Variants in NEK10 observed in about 807,000 individuals in gnomAD.
NEK10 encodes NIMA related kinase 10.
In NEK10, 122 loss-of-function variants were observed where a neutral mutation model predicts 159.8. The observed-to-expected ratio is 0.76, with a 90% CI of 0.66 to 0.89. The LOEUF is 0.89. Ranked by LOEUF, NEK10 falls within the 40% of genes least tolerant of loss-of-function variation. The pLI, the probability that NEK10 is intolerant of heterozygous loss-of-function variation, is 0.00. For synonymous variants in NEK10, 466 were observed against 457.1 expected, an observed-to-expected ratio of 1.02 and a Z score of -0.25; for missense variants, 1,342 against 1,323.1, an observed-to-expected ratio of 1.01 and a Z score of -0.22.
chr3:27,264,819 G>A (rs530299345), intron 22 of NEK10, among the ~76,000 whole-genome samples: 24 of 151,942 alleles, frequency 1.6e-4, no homozygotes, highest in African/African-American at 2.2e-4. Context: ...ACTGGAACCC[G>A]GCGGGCAGAG....
intron 23 of NEK10, among the ~76,000 whole-genome samples, chr3:27,214,142 C>T (rs1951266743): frequency 6.6e-6 from 1 of 152,134 alleles, no homozygotes; most frequent in Non-Finnish European, 1.5e-5. Flanking sequence ...CTATGAATCC[C>T]ACCCACGCCA....
At chr3:27,353,800 G>A (rs1418442096) in intron 1 of NEK10, among the ~76,000 whole-genome samples, 6 of 151,996 alleles carry the variant, frequency 3.9e-5, no homozygotes, top group African/African-American at 1.4e-4. Flanking sequence ...ACAGGTATGC[G>A]TTTCTACCAC....
At chr3:27,235,483 T>C (rs1953808079) in intron 23 of NEK10, among the ~76,000 whole-genome samples, 1 of 151,960 alleles carries the variant, frequency 6.6e-6, no homozygotes, top group Non-Finnish European at 1.5e-5. Context: ...CAGAAGAAGG[T>C]ATACATTCAG....
intron 5 of NEK10, among the ~76,000 whole-genome samples, chr3:27,334,434 G>A (rs1167498027): frequency 6.6e-6 from 1 of 152,160 alleles, no homozygotes; most frequent in Non-Finnish European, 1.5e-5. Flanking sequence ...CCCAAGAATA[G>A]ACCCAACTGG....
intron 23 of NEK10, among the ~76,000 whole-genome samples, chr3:27,226,634 C>T (rs1443812388): frequency 6.6e-6 from 1 of 152,256 alleles, no homozygotes; most frequent in Middle Eastern, 3.4e-3. Context: ...GAGGCAAATT[C>T]GTCTCAGGCT....
chr3:27,291,596 A>C lies in NEK10; in HGVS notation c.1374-10T>G. The C allele has an allele frequency of 7.1e-7, 1 of 1,410,492 alleles. No homozygotes were observed. The highest frequency in any genetic ancestry group is 1.0e-6 in the Non-Finnish European group (1 of 994,956). The allele number at this position is 1,410,492 out of a possible 1,614,324, so 87.4% of individuals were successfully genotyped here. ...GTCTGTGGGGAAAAGTCTACAGAGA[A>C]TATTACACACACTTAAAGTAGAACT... On this transcript the variant is annotated splice_polypyrimidine_tract_variant and intron_variant, in intron 16 of 35. Coordinates refer to ENST00000691995, the MANE Select transcript of NEK10 (RefSeq NM_001394966.1).
At chr3:27,348,473 T>G (rs1233486537) in intron 3 of NEK10, among the ~76,000 whole-genome samples, 16 of 152,220 alleles carry the variant, frequency 1.1e-4, no homozygotes, top group Non-Finnish European at 5.9e-5. Flanking sequence ...TTGAAGCAAG[T>G]AGCACTTCAT....
intron 26 of NEK10, among the ~76,000 whole-genome samples, chr3:27,191,808 A>G (rs560141232): frequency 5.8e-4 from 88 of 152,344 alleles, no homozygotes; most frequent in Non-Finnish European, 1.1e-3. Flanking sequence ...GATTTTTGCA[A>G]AAATAAAATA....
intron 33 of NEK10, 85 bp downstream of exon 33, chr3:27,119,675 T>G: frequency 9.6e-7 from 1 of 1,040,168 alleles, no homozygotes; most frequent in Non-Finnish European, 1.5e-6. Context: ...AAAAAAAAAT[T>G]GGAGATAATC....
intron 22 of NEK10, among the ~76,000 whole-genome samples, chr3:27,277,006 T>C (rs532640773): frequency 5.3e-5 from 8 of 152,296 alleles, no homozygotes; most frequent in Admixed American, 4.6e-4. Flanking sequence ...CAACACAATA[T>C]AAGAAGGCTA....
intron 26 of NEK10, among the ~76,000 whole-genome samples, chr3:27,183,426 C>T (rs1948325767): frequency 6.7e-6 from 1 of 150,234 alleles, no homozygotes; most frequent in African/African-American, 2.4e-5. Context: ...TCAATCTCCT[C>T]ATTATTCTAT....
chr3:27,148,638 T>C (rs1944533726), intron 30 of NEK10, among the ~76,000 whole-genome samples: 1 of 152,226 alleles, frequency 6.6e-6, no homozygotes, highest in African/African-American at 2.4e-5. Context: ...AAATTACTAA[T>C]AATGGCAATT....
intron 5 of NEK10, among the ~76,000 whole-genome samples, chr3:27,329,023 T>C (rs571484800): frequency 6.6e-6 from 1 of 152,306 alleles, no homozygotes; most frequent in East Asian, 1.9e-4. Flanking sequence ...CCAAATCTCA[T>C]CTTGAATTCC....
At chr3:27,218,829 A>G (rs1010301878) in intron 23 of NEK10, among the ~76,000 whole-genome samples, 1 of 152,008 alleles carries the variant, frequency 6.6e-6, no homozygotes, top group Admixed American at 6.6e-5. Flanking sequence ...GCACTCAGCT[A>G]GGAACAGAAA....
At chr3:27,325,893 C>T (rs2045966938) in intron 5 of NEK10, among the ~76,000 whole-genome samples, 2 of 152,236 alleles carry the variant, frequency 1.3e-5, no homozygotes, top group South Asian at 4.1e-4. Flanking sequence ...CAGTTGCCAT[C>T]AACACCTTGG....
chr3:27,130,298 C>A (rs553438570), intron 32 of NEK10, among the ~76,000 whole-genome samples: 1 of 152,160 alleles, frequency 6.6e-6, no homozygotes, highest in Non-Finnish European at 1.5e-5. Context: ...GCTTCCCAAA[C>A]ATCTCCTACC....
chr3:27,239,330 G>A lies in NEK10; in HGVS notation c.2090+16966C>T, dbSNP rs1954298431. On this transcript the variant is annotated intron_variant, in intron 23 of 35. Transcript: ENST00000691995. Reference sequence around the variant, plus strand: ...AGTAATTTTGTATTTTGATTATATTGTCACTGAAACTAATTTACTTTCAAA... The same window carrying A: ...AGTAATTTTGTATTTTGATTATATTATCACTGAAACTAATTTACTTTCAAA... Among the ~76,000 whole-genome samples the A allele has an allele frequency of 2.0e-5, 3 of 152,054 alleles. No individual in the cohort carries two copies. The South Asian group carries it at 6.2e-4, about 32-fold the overall frequency.
intron 1 of NEK10, among the ~76,000 whole-genome samples, chr3:27,360,833 A>G (rs766020155): frequency 6.6e-6 from 1 of 152,206 alleles, no homozygotes; most frequent in East Asian, 1.9e-4. Context: ...AGCTAAGGAC[A>G]AGCATTATTA....
intron 26 of NEK10, among the ~76,000 whole-genome samples, chr3:27,188,431 C>T (rs1381392863): frequency 6.6e-6 from 1 of 152,140 alleles, no homozygotes; most frequent in Non-Finnish European, 1.5e-5. Context: ...ATCCCTGTTC[C>T]TTCATTATTA....
Sources: gnomAD v4.1 joint callset for allele counts (sites outside exome capture counted in the v4.1 genomes callset) on GRCh38, gnomAD v4.1.1 for gene constraint, MANE v1.5 for transcripts, NCBI Gene and HGNC (gene_info 2026-07-23, HGNC 2026-07-21) for gene names.